AUTS2: variants seen among roughly 807,000 people sequenced by gnomAD.
The protein encoded by AUTS2 is autism susceptibility gene 2 protein.
Under a neutral mutation model 112.4 loss-of-function variants are expected in AUTS2, and 17 were observed. That is an observed-to-expected ratio of 0.15 (90% confidence interval 0.10 to 0.23). AUTS2 has a LOEUF of 0.23. AUTS2 is among the 10% of genes least tolerant of loss of function. AUTS2 has a pLI of 1.00. For missense variants in AUTS2, 1,510 were observed against 1,701.6 expected (o/e 0.89, Z 1.98); for synonymous variants, 751 against 702.7 (o/e 1.07, Z -1.09).
At chr7:70,079,616 C>G (rs775996548) in intron 2 of AUTS2, among the ~76,000 whole-genome samples, 5 of 151,950 alleles carry the variant, frequency 3.3e-5, no homozygotes, top group Admixed American at 2.0e-4. Context: ...TTACTAATAT[C>G]CATGACCTTG....
At chr7:70,568,580 G>A (rs1801804707) in intron 5 of AUTS2, among the ~76,000 whole-genome samples, 1 of 152,220 alleles carries the variant, frequency 6.6e-6, no homozygotes. Context: ...CCATCGCAGT[G>A]AGGACTGTTC....
chr7:70,180,604 T>C (rs1809244602), intron 4 of AUTS2, among the ~76,000 whole-genome samples: 1 of 152,190 alleles, frequency 6.6e-6, no homozygotes, highest in Admixed American at 6.5e-5. Context: ...GCCGGGCTTT[T>C]GGTCCCTCCC....
rs897826061 is a variant in AUTS2, at chr7:70,468,507, C to T, written c.690+32726C>T. On this transcript the variant is annotated intron_variant, in intron 5 of 18. Transcript: ENST00000342771. ...TTTCCTGACCTGGACAAGTTACCTC[C>T]CCACATGCTGAGAGATCTTGTAAAT... is the stretch of plus-strand genomic sequence containing the variant. Among the ~76,000 whole-genome samples, 4 of 152,178 alleles carry T rather than the reference C, an allele frequency of 2.6e-5. No homozygotes were observed. The East Asian group carries it at 7.7e-4, about 29-fold the overall frequency.
intron 2 of AUTS2, among the ~76,000 whole-genome samples, chr7:70,020,398 A>G (rs1383276894): frequency 6.6e-6 from 1 of 152,004 alleles, no homozygotes; most frequent in Non-Finnish European, 1.5e-5. Context: ...GCAGTTACCT[A>G]TTTTTGATGG....
chr7:70,138,126 T>C lies in AUTS2; in HGVS notation c.660+3555T>C, dbSNP rs148106747. Among the ~76,000 whole-genome samples, 239 of 152,374 alleles carry C rather than the reference T, an allele frequency of 1.6e-3. 1 individual carries two copies. Among genetic ancestry groups the C allele is most frequent in the African/African-American group, 4.9e-3 (202 of 41,588 alleles). ...AAGCATTTGAAGTACTTGGAGCTTT[T>C]AAAGACTGCTTAGCAGCTTTTAGGA... On this transcript the variant is annotated intron_variant, in intron 4 of 18. Coordinates refer to ENST00000342771, the MANE Select transcript of AUTS2 (RefSeq NM_015570.4).
intron 4 of AUTS2, among the ~76,000 whole-genome samples, chr7:70,203,006 C>A (rs1810367902): frequency 7.6e-6 from 1 of 131,106 alleles, no homozygotes. Flanking sequence ...CCATGGAATA[C>A]TATGCAGCCA....
At chr7:70,678,657 T>A (rs980972903) in intron 5 of AUTS2, among the ~76,000 whole-genome samples, 6 of 152,196 alleles carry the variant, frequency 3.9e-5, no homozygotes, top group African/African-American at 1.4e-4. Context: ...GGGTGAATGC[T>A]TAGTACCACC....
intron 5 of AUTS2, among the ~76,000 whole-genome samples, chr7:70,474,872 G>A (rs1336725959): frequency 6.6e-6 from 1 of 152,186 alleles, no homozygotes; most frequent in East Asian, 1.9e-4. Flanking sequence ...GAAACAGGAT[G>A]TTTTCCTTTC....
intron 1 of AUTS2, among the ~76,000 whole-genome samples, chr7:69,699,638 TG>T (rs1404438290): frequency 2.7e-5 from 4 of 149,110 alleles, no homozygotes; most frequent in South Asian, 4.3e-4. Flanking sequence ...GCAGTGATAA[TG>T]TTTTTTTTTT....
chr7:70,038,236 A>G (rs1160264517), intron 2 of AUTS2, among the ~76,000 whole-genome samples: 1 of 152,162 alleles, frequency 6.6e-6, no homozygotes, highest in Non-Finnish European at 1.5e-5. Context: ...ATTTCAAAGT[A>G]CCTGGGAACT....
At chr7:70,141,798 G>A (rs528649064) in intron 4 of AUTS2, among the ~76,000 whole-genome samples, 17 of 152,274 alleles carry the variant, frequency 1.1e-4, no homozygotes, top group Non-Finnish European at 1.5e-4. Context: ...TAGGATCAGT[G>A]AGCCAGGAGC....
chr7:70,727,213 G>T lies in AUTS2; in HGVS notation c.742+28593G>T, dbSNP rs11977269. 6.4e-3 allele frequency among the ~76,000 whole-genome samples: 973 copies of T among 152,248 alleles called. 10 individuals are homozygous for T. The highest frequency in any genetic ancestry group is 0.022 in the African/African-American group (912 of 41,532). The stretch of plus-strand genomic sequence containing the variant: ...GTTAAACAATTCCCTCCAGGCCAGC[G>T]TGTGGGAACCTGCACATTCCTACCA... On this transcript the variant is annotated intron_variant, in intron 6 of 18. Transcript: ENST00000342771.
At chr7:70,705,804 A>G (rs956658570) in intron 6 of AUTS2, among the ~76,000 whole-genome samples, 4 of 152,182 alleles carry the variant, frequency 2.6e-5, no homozygotes, top group Non-Finnish European at 2.9e-5. Context: ...GTCTCCTCCT[A>G]CAAATGACTT....
At chr7:70,268,562 A>G (rs956384960) in intron 4 of AUTS2, among the ~76,000 whole-genome samples, 1 of 152,180 alleles carries the variant, frequency 6.6e-6, no homozygotes, top group Non-Finnish European at 1.5e-5. Context: ...GCTTCAGTGA[A>G]GGGACTTTAA....
chr7:70,480,515 A>G (rs1797749976), intron 5 of AUTS2, among the ~76,000 whole-genome samples: 1 of 152,184 alleles, frequency 6.6e-6, no homozygotes, highest in African/African-American at 2.4e-5. Context: ...AAAGGACTGG[A>G]GGGACCAATC....
At chr7:70,547,345 C>G (rs1345415737) in intron 5 of AUTS2, among the ~76,000 whole-genome samples, 1 of 152,204 alleles carries the variant, frequency 6.6e-6, no homozygotes, top group Non-Finnish European at 1.5e-5. Flanking sequence ...ACCTCCGCCT[C>G]CCGGGGTCAA....
chr7:70,205,310 G>A (rs1810515655), intron 4 of AUTS2, among the ~76,000 whole-genome samples: 1 of 152,106 alleles, frequency 6.6e-6, no homozygotes, highest in African/African-American at 2.4e-5. Flanking sequence ...TGTCTCCTGA[G>A]TAGCTGCAAT....
rs532881691 is a variant in AUTS2, at chr7:69,752,302, G to C, written c.310-146984G>C. Reference sequence around the variant, plus strand: ...CAGAACACAGCTTTGGCTTGCCCAGGTTCCTGTTGTGCAGATGGGGCCTAG... The same window carrying C: ...CAGAACACAGCTTTGGCTTGCCCAGCTTCCTGTTGTGCAGATGGGGCCTAG... On this transcript the variant is annotated intron_variant, in intron 1 of 18. Coordinates refer to ENST00000342771, the MANE Select transcript of AUTS2 (RefSeq NM_015570.4). 3.0e-3 allele frequency among the ~76,000 whole-genome samples: 453 copies of C among 152,344 alleles called. 3 individuals carry two copies. The highest frequency in any genetic ancestry group is 0.01 in the African/African-American group (430 of 41,586).
intron 1 of AUTS2, among the ~76,000 whole-genome samples, chr7:69,804,432 C>T (rs1364832492): frequency 6.6e-6 from 1 of 152,168 alleles, no homozygotes; most frequent in African/African-American, 2.4e-5. Context: ...CAGAGGTTTA[C>T]CTCACTTGGT....
Sources: allele counts gnomAD v4.1 joint callset (sites outside exome capture counted in the v4.1 genomes callset), GRCh38; gene constraint gnomAD v4.1.1; transcripts MANE v1.5; gene names NCBI Gene and HGNC (gene_info 2026-07-23, HGNC 2026-07-21).